IBTK: variants seen among roughly 807,000 people sequenced by gnomAD.
The protein encoded by IBTK is inhibitor of Bruton tyrosine kinase.
In IBTK, 83 loss-of-function variants were observed where a neutral mutation model predicts 154.9. The ratio of observed to expected loss-of-function variants is 0.54; its 90% CI spans 0.45 to 0.64. IBTK has a LOEUF of 0.64. Ranked by LOEUF, IBTK falls within the 30% of genes least tolerant of loss-of-function variation. The probability of loss-of-function intolerance (pLI) is 0.00; values close to 1 mark genes in which losing one functional copy is unlikely to be tolerated. For missense variants in IBTK, 1,332 were observed against 1,584.6 expected (o/e 0.84, Z 2.71); for synonymous variants, 515 against 536.1 (o/e 0.96, Z 0.54).
chr6:82,202,446 C>T (rs1020171112), intron 18 of IBTK, 82 bp downstream of exon 18: 10 of 779,518 alleles, frequency 1.3e-5, no homozygotes, highest in Non-Finnish European at 2.0e-5. Context: ...TCATTATTCA[C>T]ATTTAAATCA....
intron 22 of IBTK, 138 bp downstream of exon 22, chr6:82,196,160 C>G: frequency 1.5e-6 from 1 of 666,142 alleles, no homozygotes; most frequent in Non-Finnish European, 2.4e-6. Context: ...TTTAAGAAAA[C>G]TAACACTATA....
chr6:82,183,084 C>A (rs1476745511), intron 25 of IBTK, among the ~76,000 whole-genome samples: 2 of 152,088 alleles, frequency 1.3e-5, no homozygotes, highest in East Asian at 1.9e-4. Flanking sequence ...ATAACTAATA[C>A]AAGATATTAC....
At chr6:82,231,890 A>G (rs1462243640) in intron 3 of IBTK, 48 bp from the exon 4 acceptor site, 16 of 1,090,500 alleles carry the variant, frequency 1.5e-5, no homozygotes, top group Non-Finnish European at 1.4e-5. Flanking sequence ...TAAAACACAT[A>G]TAAGAACTAA....
At chr6:82,229,585 A>G (rs1770425413) in intron 4 of IBTK, among the ~76,000 whole-genome samples, 1 of 152,130 alleles carries the variant, frequency 6.6e-6, no homozygotes, top group Non-Finnish European at 1.5e-5. Context: ...CAAGCTCAGC[A>G]TGAGAAAAAA....
chr6:82,206,479 A>G (rs1462108935), intron 16 of IBTK, among the ~76,000 whole-genome samples: 3 of 152,220 alleles, frequency 2.0e-5, no homozygotes, highest in Non-Finnish European at 4.4e-5. Context: ...TTAATTGGTT[A>G]ATCTGACTGA....
At chr6:82,211,249 T>G in intron 15 of IBTK, 118 bp downstream of exon 15, 1 of 740,966 alleles carries the variant, frequency 1.3e-6, no homozygotes, top group Non-Finnish European at 2.2e-6. Flanking sequence ...AAGTTTAATA[T>G]AAATGAAAAA....
intron 21 of IBTK, among the ~76,000 whole-genome samples, chr6:82,197,880 C>G (rs974885931): frequency 5.3e-5 from 8 of 152,130 alleles, no homozygotes; most frequent in African/African-American, 1.9e-4. Context: ...ACGCAACTGT[C>G]TTTGATGAAA....
rs1456693716 is a variant in IBTK at position 82,181,932 on chromosome 6, G to A, written c.3672C>T (p.Val1224=). ...SVTSHSSGDH[V]KKVSFKGIEN... ...CAATTCCTTTAAAAGAAACTTTTTT[G>A]ACATGATCGCCTGAACTATGGCTAG... Residue 1224 remains valine, a synonymous_variant, in exon 26 of 29, where the codon GTC becomes GTT. Coordinates refer to ENST00000306270, the MANE Select transcript of IBTK (RefSeq NM_015525.4). The A allele has an allele frequency of 3.1e-6, 5 of 1,592,864 alleles. No homozygotes were observed. The highest frequency in any genetic ancestry group is 4.3e-6 in the Non-Finnish European group (5 of 1,175,202).
chr6:82,228,590 C>T (rs957027600), intron 4 of IBTK, among the ~76,000 whole-genome samples: 1 of 151,750 alleles, frequency 6.6e-6, no homozygotes, highest in Non-Finnish European at 1.5e-5. Context: ...CAATACTAGA[C>T]AGTTTTAAGT....
intron 3 of IBTK, among the ~76,000 whole-genome samples, 173 bp from the exon 4 acceptor site, chr6:82,232,015 T>G (rs1021538591): frequency 6.6e-6 from 1 of 151,916 alleles, no homozygotes; most frequent in Non-Finnish European, 1.5e-5. Context: ...CCTGTCTCAA[T>G]GCAAGCAATC....
rs201702129 is a variant in IBTK at position 82,211,522 on chromosome 6, G to C, written c.2342C>G (p.Pro781Arg). ...TMKSVDGKEF[P>R]CHKCVLCARL... ...AGCACAAAGAACACATTTATGACAA[G>C]GAAATTCCTTTCCATCCACTGATTT... The change falls in exon 14 of 29, where the codon CCT becomes CGT. Residue 781 changes from proline (P) to arginine (R), a missense_variant. By Grantham distance (103) the Pro-to-Arg change is moderately radical. Around this residue, in one of 3 missense-constraint regions of IBTK, gnomAD observed 1,134 missense variants for 1,274.7 expected, o/e 0.89. Transcript: ENST00000306270. The C allele has an allele frequency of 1.9e-4, 308 of 1,613,770 alleles. 2 individuals are homozygous for C. Among genetic ancestry groups the C allele is most frequent in the Admixed American group, 6.7e-5 (4 of 60,022 alleles).
At chr6:82,246,248 G>A (rs1771137666) in intron 1 of IBTK, among the ~76,000 whole-genome samples, 1 of 152,066 alleles carries the variant, frequency 6.6e-6, no homozygotes, top group African/African-American at 2.4e-5. Context: ...AAAGCAGTTT[G>A]GTAGGGCAGC....
rs116753142 is a variant in IBTK, at chr6:82,184,068, C to G, written c.3576-2040G>C. Among the ~76,000 whole-genome samples the G allele has an allele frequency of 1.7e-3, 266 of 152,308 alleles. 1 individual carries two copies. Among genetic ancestry groups the G allele is most frequent in the African/African-American group, 5.7e-3 (239 of 41,574 alleles). On this transcript the variant is annotated intron_variant, in intron 25 of 28. Transcript: ENST00000306270. ...CTCTGTTACAGCAGCACAAAATGAA[C>G]TAAGATTGTGTGATACTGGCATAAG...
At chr6:82,199,373 G>C (rs1274690187) in intron 21 of IBTK, among the ~76,000 whole-genome samples, 1 of 150,326 alleles carries the variant, frequency 6.7e-6, no homozygotes, top group African/African-American at 2.5e-5. Flanking sequence ...AGGTGTTCAT[G>C]GTATTTTTCT....
At chr6:82,228,045 T>C (rs981613544) in intron 4 of IBTK, among the ~76,000 whole-genome samples, 1 of 151,890 alleles carries the variant, frequency 6.6e-6, no homozygotes, top group African/African-American at 2.4e-5. Context: ...CAGTTTCAAA[T>C]ATATATATAT....
chr6:82,211,142 C>A (rs1769621389), intron 15 of IBTK, among the ~76,000 whole-genome samples: 1 of 152,062 alleles, frequency 6.6e-6, no homozygotes, highest in Non-Finnish European at 1.5e-5. Flanking sequence ...GTTCCTAATA[C>A]ATTTCTAAAT....
rs910992075 is a variant in IBTK, at chr6:82,189,310, G to A, written c.3575+1763C>T. On this transcript the variant is annotated intron_variant, in intron 25 of 28. Coordinates refer to ENST00000306270, the MANE Select transcript of IBTK (RefSeq NM_015525.4). ...TAAACTTTCAGGGAAAAAAAAAGTG[G>A]AGAAGAAAACAGGAGGTAACATAAG... Among the ~76,000 whole-genome samples the A allele has an allele frequency of 9.2e-5, 14 of 152,094 alleles. No individual in the cohort carries two copies. In the South Asian group the frequency reaches 2.7e-3, roughly 29 times the overall value.
intron 1 of IBTK, among the ~76,000 whole-genome samples, chr6:82,242,004 AC>A (rs1770970904): frequency 6.6e-6 from 1 of 152,214 alleles, no homozygotes; most frequent in African/African-American, 2.4e-5. Flanking sequence ...TGATTTCTCC[AC>A]CTGGAAACTA....
chr6:82,228,845 T>A (rs1275558239), intron 4 of IBTK, among the ~76,000 whole-genome samples: 1 of 152,038 alleles, frequency 6.6e-6, no homozygotes, highest in African/African-American at 2.4e-5. Flanking sequence ...ATGGTCTCGA[T>A]CTCCTGACCT....
Sources: gnomAD v4.1 joint callset for allele counts (sites outside exome capture counted in the v4.1 genomes callset) on GRCh38, gnomAD v4.1.1 for gene constraint, gnomAD v4.1.1 regional missense constraint, MANE v1.5 for transcripts, NCBI Gene and HGNC (gene_info 2026-07-23, HGNC 2026-07-21) for gene names.